The following CAMTA1 variants were observed in gnomAD, a reference collection of about 807,000 sequenced individuals.
CAMTA1 encodes the protein calmodulin binding transcription activator 1, also known as calmodulin-binding transcription activator 1.
A neutral mutation model predicts 170.9 loss-of-function variants in CAMTA1; 27 were observed. That is an observed-to-expected ratio of 0.16 (90% CI 0.12 to 0.22). CAMTA1 has a LOEUF of 0.22. Among genes scored for constraint, CAMTA1 ranks in the 10% least tolerant of loss-of-function variants. The pLI is 1.00. For missense variants in CAMTA1, 1,619 were observed against 2,217.2 expected (o/e 0.73, Z 5.42); for synonymous variants, 833 against 891.5 (o/e 0.93, Z 1.17).
rs570149606 is a variant in CAMTA1 at position 7,023,372 on chromosome 1, C to T, written c.235-67932C>T. Among the ~76,000 whole-genome samples, 46 of 152,344 alleles carry T rather than the reference C, an allele frequency of 3.0e-4. 1 individual carries two copies. The highest frequency in any genetic ancestry group is 3.4e-3 in the Middle Eastern group (1 of 294). On this transcript the variant is annotated intron_variant, in intron 3 of 22. Coordinates refer to ENST00000303635, the MANE Select transcript of CAMTA1 (RefSeq NM_015215.4). The stretch of plus-strand genomic sequence containing the variant: ...GATTCCCAGGGGAAAAACTGGGGGA[C>T]TCCCAATGTAGATAAGCCCTTAGGC...
chr1:7,130,745 A>C (rs188190928), intron 4 of CAMTA1, among the ~76,000 whole-genome samples: 1 of 152,308 alleles, frequency 6.6e-6, no homozygotes, highest in Non-Finnish European at 1.5e-5. Flanking sequence ...ATCTGTTCTC[A>C]AGAGCTGATA....
rs995977138 is a variant in CAMTA1, at chr1:7,141,207, C to A, written c.302+49836C>A. ...GTTCCAGAAATCAAGAGTCATAGAA[C>A]CTTGCAAAGGTGAAAAGGTGATACC... On this transcript the variant is annotated intron_variant, in intron 4 of 22. Coordinates refer to ENST00000303635, the MANE Select transcript of CAMTA1 (RefSeq NM_015215.4). 2.6e-5 allele frequency among the ~76,000 whole-genome samples: 4 copies of A among 152,200 alleles called. 1 individual carries two copies. Among genetic ancestry groups the A allele is most frequent in the Non-Finnish European group, 4.4e-5 (3 of 68,014 alleles).
chr1:7,096,842 T>A (rs1399960546), intron 4 of CAMTA1, among the ~76,000 whole-genome samples: 1 of 152,190 alleles, frequency 6.6e-6, no homozygotes, highest in Non-Finnish European at 1.5e-5. Context: ...TTATTCTACT[T>A]GGGAGCCTCA....
chr1:6,796,835 T>C (rs1285713781), intron 1 of CAMTA1, among the ~76,000 whole-genome samples: 4 of 152,180 alleles, frequency 2.6e-5, no homozygotes, highest in Non-Finnish European at 5.9e-5. Flanking sequence ...AGGCTAAGCC[T>C]CCGGCCCATA....
chr1:7,403,520 A>G (rs535390151), intron 5 of CAMTA1, among the ~76,000 whole-genome samples: 43 of 152,158 alleles, frequency 2.8e-4, no homozygotes, highest in Non-Finnish European at 4.9e-4. Context: ...ATGTAACACT[A>G]GGCTTTCAAG....
chr1:7,009,936 T>C (rs1213227767), intron 3 of CAMTA1, among the ~76,000 whole-genome samples: 2 of 152,146 alleles, frequency 1.3e-5, no homozygotes, highest in Non-Finnish European at 2.9e-5. Flanking sequence ...AGCTCCCCAT[T>C]TGAGCTCTGG....
At chr1:6,892,725 A>C (rs1475595524) in intron 3 of CAMTA1, among the ~76,000 whole-genome samples, 1 of 150,066 alleles carries the variant, frequency 6.7e-6, no homozygotes, top group Non-Finnish European at 1.5e-5. Flanking sequence ...ATTTTCAACT[A>C]GGTCTCCGTT....
intron 1 of CAMTA1, among the ~76,000 whole-genome samples, chr1:6,798,052 G>A (rs1335364096): frequency 6.7e-6 from 1 of 149,432 alleles, no homozygotes; most frequent in Admixed American, 6.7e-5. Flanking sequence ...GCTGCAGTGC[G>A]ATGGCGCGAT....
At chr1:7,489,235 C>T (rs1309600367) in intron 6 of CAMTA1, among the ~76,000 whole-genome samples, 1 of 152,222 alleles carries the variant, frequency 6.6e-6, no homozygotes, top group East Asian at 1.9e-4. Flanking sequence ...TTTCTGTCCC[C>T]CGTTTCCAGA....
chr1:6,967,530 A>T (rs535801549), intron 3 of CAMTA1, among the ~76,000 whole-genome samples: 1 of 152,116 alleles, frequency 6.6e-6, no homozygotes, highest in South Asian at 2.1e-4. Flanking sequence ...ATCTCAGGGG[A>T]CCTTCAGCCA....
At chr1:7,239,908 C>A (rs1413104198) in intron 4 of CAMTA1, among the ~76,000 whole-genome samples, 1 of 151,902 alleles carries the variant, frequency 6.6e-6, no homozygotes, top group Non-Finnish European at 1.5e-5. Context: ...GGCCACCAGA[C>A]TCACTTTTAT....
chr1:7,556,350 G>C (rs1263153398), intron 6 of CAMTA1, among the ~76,000 whole-genome samples: 2 of 152,138 alleles, frequency 1.3e-5, no homozygotes, highest in Non-Finnish European at 2.9e-5. Context: ...CAGCCCTAGG[G>C]GGGCAGTCCC....
At chr1:7,398,855 A>G (rs1372856651) in intron 5 of CAMTA1, among the ~76,000 whole-genome samples, 2 of 152,076 alleles carry the variant, frequency 1.3e-5, no homozygotes, top group Non-Finnish European at 1.5e-5. Flanking sequence ...TAACAATCTT[A>G]GAGTTATAGT....
intron 4 of CAMTA1, among the ~76,000 whole-genome samples, chr1:7,162,451 A>G (rs573084480): frequency 6.6e-6 from 1 of 152,010 alleles, no homozygotes; most frequent in Non-Finnish European, 1.5e-5. Flanking sequence ...ATCAGCAGGC[A>G]CTCCCTTTTC....
chr1:7,070,000 A>C (rs1310459685), intron 3 of CAMTA1, among the ~76,000 whole-genome samples: 1 of 152,220 alleles, frequency 6.6e-6, no homozygotes, highest in African/African-American at 2.4e-5. Context: ...CCTCTGGTTC[A>C]CGTCCTCTCG....
chr1:7,394,593 C>A (rs1489842056), intron 5 of CAMTA1, among the ~76,000 whole-genome samples: 2 of 152,140 alleles, frequency 1.3e-5, no homozygotes, highest in Admixed American at 6.5e-5. Flanking sequence ...GGATATTAAG[C>A]CCTTGTCAGA....
intron 5 of CAMTA1, among the ~76,000 whole-genome samples, chr1:7,452,088 G>A (rs1399657205): frequency 3.3e-5 from 5 of 152,198 alleles, no homozygotes; most frequent in Admixed American, 3.3e-4. Context: ...CTCTAAACTG[G>A]AGGCCTCAAG....
intron 4 of CAMTA1, among the ~76,000 whole-genome samples, chr1:7,127,166 T>C (rs1356932302): frequency 6.6e-6 from 1 of 150,950 alleles, no homozygotes; most frequent in African/African-American, 2.4e-5. Context: ...CTGGGCACTA[T>C]GCAACCCCAG....
In CAMTA1 at chr1:7,587,449, G is replaced by A. The variant is rs149540866; in HGVS notation, c.511-52951G>A. Among the ~76,000 whole-genome samples, 248 of 152,164 alleles carry A rather than the reference G, an allele frequency of 1.6e-3. 6 individuals are homozygous for A. The highest frequency in any genetic ancestry group is 5.5e-3 in the African/African-American group (228 of 41,454). ...CGGCAGCACGCCCTCCACTCTAACC[G>A]CCCGTGATTTCAGCGCTGAATATCT... On this transcript the variant is annotated intron_variant, in intron 6 of 22. Transcript: ENST00000303635.
Sources: gnomAD v4.1 joint callset for allele counts (sites outside exome capture counted in the v4.1 genomes callset) on GRCh38, gnomAD v4.1.1 for gene constraint, MANE v1.5 for transcripts, NCBI Gene and HGNC (gene_info 2026-07-23, HGNC 2026-07-21) for gene names.